The following RBFOX1 variants were observed in gnomAD, a reference collection of about 807,000 sequenced individuals.
The protein encoded by RBFOX1 is RNA binding protein fox-1 homolog 1.
A neutral mutation model predicts 57.7 loss-of-function variants in RBFOX1; 8 were observed. The observed-to-expected ratio is 0.14, with a 90% CI of 0.08 to 0.25. RBFOX1 has a LOEUF of 0.25. Among genes scored for constraint, RBFOX1 ranks in the 10% least tolerant of loss-of-function variants. The pLI is 1.00. For missense variants in RBFOX1, 611 were observed against 548.5 expected, an observed-to-expected ratio of 1.11 and a Z score of -1.14; for synonymous variants, 326 against 222.4, an observed-to-expected ratio of 1.47 and a Z score of -4.15.
chr16:6,897,456 A>T (rs1301141007), intron 3 of RBFOX1, among the ~76,000 whole-genome samples: 2 of 152,152 alleles, frequency 1.3e-5, no homozygotes, highest in African/African-American at 2.4e-5. Flanking sequence ...GACACAGATT[A>T]AAACGTGATG....
rs1166156790 is a variant in RBFOX1, at chr16:6,631,516, AATATT to A, written c.-63-23085_-63-23081del. On this transcript the variant is annotated intron_variant, in intron 2 of 15. Coordinates refer to ENST00000550418, the MANE Select transcript of RBFOX1 (RefSeq NM_018723.4). ...AAGTTACTCCATTCGCTCCTGAACA[AATATT>A]AAGTGGAGGTTTTGTTCTGGGTGTC... is the stretch of plus-strand genomic sequence containing the variant. Among the ~76,000 whole-genome samples, 25 of 152,226 alleles carry A rather than the reference AATATT, an allele frequency of 1.6e-4. No homozygotes were observed. In the East Asian group the frequency reaches 4.4e-3, roughly 27 times the overall value.
chr16:5,613,316 T>C (rs536250911), intron 3 of RBFOX1, among the ~76,000 whole-genome samples: 1 of 152,286 alleles, frequency 6.6e-6, no homozygotes, highest in East Asian at 1.9e-4. Context: ...TGAGGGTGGG[T>C]TCCCCAATAT....
intron 2 of RBFOX1, among the ~76,000 whole-genome samples, chr16:6,612,863 A>AAAAT (rs59339311): frequency 0.011 from 1,481 of 132,246 alleles, 31 homozygotes; most frequent in African/African-American, 0.038. Context: ...AAAAAAAAAA[A>AAAAT]AATAATAATA....
At chr16:7,216,407 C>A (rs954748297) in intron 4 of RBFOX1, among the ~76,000 whole-genome samples, 2 of 152,138 alleles carry the variant, frequency 1.3e-5, no homozygotes, top group African/African-American at 4.8e-5. Flanking sequence ...GTAATCCCAG[C>A]ACTTTGGGAG....
At chr16:6,118,127 A>G (rs557693441) in intron 1 of RBFOX1, among the ~76,000 whole-genome samples, 2 of 152,352 alleles carry the variant, frequency 1.3e-5, no homozygotes, top group African/African-American at 4.8e-5. Context: ...TCACCATAAT[A>G]CAATAATAGA....
chr16:7,129,054 C>T (rs1341825579), intron 4 of RBFOX1, among the ~76,000 whole-genome samples: 1 of 151,884 alleles, frequency 6.6e-6, no homozygotes, highest in Non-Finnish European at 1.5e-5. Context: ...ACCTTAACCT[C>T]GTGATCCGCC....
chr16:6,909,849 C>T (rs550755673), intron 3 of RBFOX1, among the ~76,000 whole-genome samples: 84 of 152,208 alleles, frequency 5.5e-4, no homozygotes, highest in African/African-American at 1.9e-3. Context: ...GGTGTCTGCT[C>T]GGACCACCCT....
At chr16:7,601,318 G>C (rs1315903960) in intron 9 of RBFOX1, among the ~76,000 whole-genome samples, 2 of 152,134 alleles carry the variant, frequency 1.3e-5, no homozygotes, top group Non-Finnish European at 2.9e-5. Flanking sequence ...ATAATTATGA[G>C]AGAAAGTGCT....
intron 4 of RBFOX1, among the ~76,000 whole-genome samples, chr16:7,185,365 C>G (rs1177978126): frequency 6.6e-6 from 1 of 152,114 alleles, no homozygotes; most frequent in East Asian, 1.9e-4. Context: ...CATGATGTTT[C>G]TGACAGGCAA....
At chr16:6,235,952 A>G (rs2097502572) in intron 1 of RBFOX1, among the ~76,000 whole-genome samples, 1 of 152,132 alleles carries the variant, frequency 6.6e-6, no homozygotes, top group African/African-American at 2.4e-5. Context: ...ACAAATCACC[A>G]TTAAAGAATT....
chr16:6,604,621 G>A (rs2097901428), intron 2 of RBFOX1, among the ~76,000 whole-genome samples: 1 of 152,134 alleles, frequency 6.6e-6, no homozygotes, highest in Admixed American at 6.5e-5. Context: ...TTGTATATGG[G>A]TACTGAGTAT....
intron 3 of RBFOX1, among the ~76,000 whole-genome samples, chr16:6,834,944 G>C (rs1055487097): frequency 1.6e-4 from 23 of 146,656 alleles, no homozygotes; most frequent in African/African-American, 4.3e-4. Context: ...CCAGGCTGGA[G>C]TGCAGTGGCG....
intron 1 of RBFOX1, among the ~76,000 whole-genome samples, chr16:6,203,293 G>A (rs1442512809): frequency 6.6e-6 from 1 of 152,108 alleles, no homozygotes; most frequent in Non-Finnish European, 1.5e-5. Context: ...GTACTTTGTG[G>A]TTCTGTGAGT....
chr16:5,635,070 T>A (rs8064054), intron 3 of RBFOX1, among the ~76,000 whole-genome samples: 50 of 152,108 alleles, frequency 3.3e-4, no homozygotes, highest in African/African-American at 1.2e-3. Flanking sequence ...AGGGGAAATA[T>A]GCTAGCCAGC....
intron 4 of RBFOX1, among the ~76,000 whole-genome samples, chr16:7,339,795 A>G (rs1469705491): frequency 6.6e-6 from 1 of 152,102 alleles, no homozygotes; most frequent in Non-Finnish European, 1.5e-5. Context: ...TCTAAGTCCT[A>G]TTGGTTAAAG....
chr16:7,088,526 C>G (rs776052144), intron 4 of RBFOX1, among the ~76,000 whole-genome samples: 2 of 124,594 alleles, frequency 1.6e-5, no homozygotes, highest in Non-Finnish European at 3.5e-5. Context: ...GATAAATACT[C>G]TGTAGTTGTT....
At chr16:6,594,372 T>G (rs1233817559) in intron 2 of RBFOX1, among the ~76,000 whole-genome samples, 1 of 152,172 alleles carries the variant, frequency 6.6e-6, no homozygotes, top group East Asian at 1.9e-4. Flanking sequence ...AAAACAAGAA[T>G]GCATGTGCGA....
In RBFOX1 at chr16:5,964,737, CTT is replaced by C. The variant is rs1267011281; in HGVS notation, c.351+97403_351+97404del. On this transcript the variant is annotated intron_variant, in intron 4 of 19. Transcript: ENST00000641259. ...ACACTTATATATACACACAATGACTCTTAGGTTATGTGTGTGTATATGTATAT... is the reference window on the plus strand; with the variant it reads ...ACACTTATATATACACACAATGACTCAGGTTATGTGTGTGTATATGTATAT... 1.5e-4 allele frequency among the ~76,000 whole-genome samples: 23 copies of C among 151,674 alleles called. No individual in the cohort carries two copies. In the South Asian group the frequency reaches 2.9e-3, roughly 19 times the overall value.
At chr16:5,626,449 G>A (rs79345162) in intron 3 of RBFOX1, among the ~76,000 whole-genome samples, 2,880 of 152,226 alleles carry the variant, frequency 0.019, 89 homozygotes, top group African/African-American at 0.064. Context: ...TTAATTACCT[G>A]TCTTTCAAGA....
Sources: allele counts gnomAD v4.1 joint callset (sites outside exome capture counted in the v4.1 genomes callset), GRCh38; gene constraint gnomAD v4.1.1; transcripts MANE v1.5; gene names NCBI Gene and HGNC (gene_info 2026-07-23, HGNC 2026-07-21).